Variants in CNTNAP2 observed in about 807,000 individuals in gnomAD.
CNTNAP2 encodes the protein contactin associated protein 2.
Under a neutral mutation model 155.2 loss-of-function variants are expected in CNTNAP2, and 98 were observed. The observed-to-expected ratio is 0.63, with a 90% CI of 0.54 to 0.75. CNTNAP2 has a LOEUF of 0.75. Ranked by LOEUF, CNTNAP2 falls within the 30% of genes least tolerant of loss-of-function variation. The probability of loss-of-function intolerance (pLI) is 0.00; values close to 1 mark genes in which losing one functional copy is unlikely to be tolerated. For missense variants in CNTNAP2, 1,727 were observed against 1,688.1 expected, an observed-to-expected ratio of 1.02 and a Z score of -0.40; for synonymous variants, 651 against 631.2, an observed-to-expected ratio of 1.03 and a Z score of -0.47.
intron 1 of CNTNAP2, among the ~76,000 whole-genome samples, chr7:146,614,433 G>T (rs548577758): frequency 1.3e-5 from 2 of 152,172 alleles, no homozygotes; most frequent in South Asian, 4.2e-4. Context: ...CATATAACAT[G>T]TGTCCACCTT....
intron 20 of CNTNAP2, among the ~76,000 whole-genome samples, chr7:148,261,722 G>A (rs1381754314): frequency 2.6e-5 from 4 of 152,272 alleles, no homozygotes; most frequent in East Asian, 1.9e-4. Context: ...CTACCAGGGC[G>A]GTTCAGACAC....
intron 1 of CNTNAP2, among the ~76,000 whole-genome samples, chr7:146,670,522 C>T (rs2642514): frequency 0.81 from 122,872 of 151,936 alleles, 50,291 homozygotes; most frequent in South Asian, 0.91. Flanking sequence ...TAGACAGACT[C>T]GGATTAAAAA....
At chr7:146,580,154 A>G (rs1423635200) in intron 1 of CNTNAP2, among the ~76,000 whole-genome samples, 2 of 152,166 alleles carry the variant, frequency 1.3e-5, no homozygotes, top group Admixed American at 6.6e-5. Flanking sequence ...TTATTAATGT[A>G]TAGAATAATT....
intron 21 of CNTNAP2, among the ~76,000 whole-genome samples, chr7:148,352,714 G>A (rs1798449346): frequency 6.6e-6 from 1 of 152,202 alleles, no homozygotes; most frequent in South Asian, 2.1e-4. Flanking sequence ...AGGAGTATGG[G>A]GGGCTGTGGC....
chr7:146,716,975 G>C (rs532618145), intron 1 of CNTNAP2, among the ~76,000 whole-genome samples: 106 of 152,238 alleles, frequency 7.0e-4, no homozygotes, highest in South Asian at 5.2e-3. Flanking sequence ...CAAGAAGACA[G>C]ACTCTCATTA....
intron 13 of CNTNAP2, among the ~76,000 whole-genome samples, chr7:147,800,420 G>T (rs1173245696): frequency 6.6e-6 from 1 of 151,200 alleles, no homozygotes; most frequent in Non-Finnish European, 1.5e-5. Context: ...ATAAACTTAA[G>T]GCCATTTAAA....
At chr7:148,005,874 C>A (rs1348521839) in intron 15 of CNTNAP2, among the ~76,000 whole-genome samples, 3 of 152,108 alleles carry the variant, frequency 2.0e-5, no homozygotes, top group African/African-American at 7.2e-5. Context: ...TGCCAATATT[C>A]TCTAAGATGG....
chr7:148,420,677 G>A lies in CNTNAP2; in HGVS notation c.*5061G>A, dbSNP rs928795500. 5.2e-5 allele frequency: 8 copies of A among 152,606 alleles called. No homozygotes were observed. The highest frequency in any genetic ancestry group is 1.9e-4 in the African/African-American group (8 of 41,528). The allele number at this position is 152,606 out of a possible 1,614,324, so 9.5% of individuals were successfully genotyped here. A position where few individuals can be genotyped will look rare whatever the true frequency, so the allele number is the denominator to read the frequency against. On this transcript the variant is annotated 3_prime_UTR_variant, in exon 24 of 24. Coordinates refer to ENST00000361727, the MANE Select transcript of CNTNAP2 (RefSeq NM_014141.6). ...AAAATATGGAAGTTCCTCTCAAGTA[G>A]GCCAAGAAACAGTTCTAGATTTTAC...
At chr7:147,998,551 A>AAGAGGTTACACAT (rs1345131521) in intron 15 of CNTNAP2, among the ~76,000 whole-genome samples, 4 of 152,222 alleles carry the variant, frequency 2.6e-5, no homozygotes. Flanking sequence ...GCATCTCTTT[A>AAGAGGTTACACAT]AAAGGAAACA....
At chr7:146,701,864 A>G (rs1800883726) in intron 1 of CNTNAP2, among the ~76,000 whole-genome samples, 2 of 152,204 alleles carry the variant, frequency 1.3e-5, no homozygotes, top group African/African-American at 4.8e-5. Flanking sequence ...ACACAATGCA[A>G]TAAACTTCTG....
intron 8 of CNTNAP2, among the ~76,000 whole-genome samples, chr7:147,298,083 G>C (rs2116764051): frequency 6.6e-6 from 1 of 152,156 alleles, no homozygotes; most frequent in Non-Finnish European, 1.5e-5. Flanking sequence ...AAAGTCTTTT[G>C]CATTAATTCC....
chr7:148,335,020 T>C (rs1446676643), intron 21 of CNTNAP2, among the ~76,000 whole-genome samples: 4 of 152,246 alleles, frequency 2.6e-5, no homozygotes, highest in Non-Finnish European at 5.9e-5. Context: ...GCCTGGTCTT[T>C]GTGTCTGCAC....
chr7:146,794,801 G>A (rs1802740048), intron 2 of CNTNAP2, among the ~76,000 whole-genome samples: 1 of 152,156 alleles, frequency 6.6e-6, no homozygotes, highest in Non-Finnish European at 1.5e-5. Context: ...CTTCAAAGTA[G>A]CAAGAATCTA....
At chr7:146,605,818 A>T (rs1252535652) in intron 1 of CNTNAP2, among the ~76,000 whole-genome samples, 1 of 152,124 alleles carries the variant, frequency 6.6e-6, no homozygotes, top group African/African-American at 2.4e-5. Context: ...CAGATAGTAG[A>T]TGATTATCTG....
intron 2 of CNTNAP2, among the ~76,000 whole-genome samples, chr7:146,785,461 T>C (rs187313296): frequency 1.3e-5 from 2 of 152,350 alleles, no homozygotes; most frequent in East Asian, 3.9e-4. Context: ...TTTCTAAATG[T>C]GTGAACAAGT....
chr7:148,408,483 C>T (rs116560987), intron 22 of CNTNAP2, among the ~76,000 whole-genome samples: 1,529 of 152,256 alleles, frequency 0.01, 30 homozygotes, highest in African/African-American at 0.035. Context: ...CAATGTTCTC[C>T]CTGAATCATA....
intron 1 of CNTNAP2, among the ~76,000 whole-genome samples, chr7:146,643,814 G>C (rs1194524612): frequency 1.3e-5 from 2 of 151,736 alleles, no homozygotes; most frequent in East Asian, 1.9e-4. Flanking sequence ...TCTTCCATTT[G>C]TTTGTATCCT....
chr7:146,918,845 T>C (rs1158470696), intron 3 of CNTNAP2, among the ~76,000 whole-genome samples: 3 of 152,212 alleles, frequency 2.0e-5, no homozygotes, highest in Admixed American at 1.3e-4. Context: ...TTTACCATAA[T>C]TGCAAACTTA....
At chr7:147,431,036 G>A (rs935450515) in intron 10 of CNTNAP2, among the ~76,000 whole-genome samples, 14 of 144,320 alleles carry the variant, frequency 9.7e-5, no homozygotes, top group Non-Finnish European at 2.0e-4. Context: ...GGGCGACAGA[G>A]TGAGACTCCA....
Sources: allele counts gnomAD v4.1 joint callset (sites outside exome capture counted in the v4.1 genomes callset), GRCh38; gene constraint gnomAD v4.1.1; transcripts MANE v1.5; gene names NCBI Gene and HGNC (gene_info 2026-07-23, HGNC 2026-07-21).